Variants in NXPE4 observed in about 807,000 individuals in gnomAD.
NXPE4 encodes NXPE family member 4.
In NXPE4, 42 loss-of-function variants were observed where a neutral mutation model predicts 33.3. That is an observed-to-expected ratio of 1.26 (90% CI 0.98 to 1.63). The LOEUF is 1.63. Ranked by LOEUF, NXPE4 falls within the 40% of genes most tolerant of loss-of-function variation. The pLI is 0.00. For missense variants in NXPE4, 709 were observed against 647.6 expected (o/e 1.09, Z -1.03); for synonymous variants, 253 against 234.9 (o/e 1.08, Z -0.71).
chr11:114,617,699 T>A, the NXPE4 span, among the ~76,000 whole-genome samples: 16 of 152,166 alleles, frequency 1.1e-4, no homozygotes, highest in East Asian at 7.7e-4. Flanking sequence ...TACTGCCTCG[T>A]GGGTAACCAC....
chr11:114,627,881 T>G, the NXPE4 span, among the ~76,000 whole-genome samples: 1 of 151,268 alleles, frequency 6.6e-6, no homozygotes, highest in Non-Finnish European at 1.5e-5. Flanking sequence ...TAGTCTCTGA[T>G]AAAACAGACT....
the NXPE4 span, among the ~76,000 whole-genome samples, chr11:114,612,556 A>G: frequency 0.056 from 8,435 of 150,994 alleles, 299 homozygotes; most frequent in Middle Eastern, 0.1. Flanking sequence ...GTGTTGCCTC[A>G]TGGGTAACCA....
At chr11:114,644,183 C>T in the NXPE4 span, among the ~76,000 whole-genome samples, 5 of 152,160 alleles carry the variant, frequency 3.3e-5, no homozygotes, top group African/African-American at 1.2e-4. Flanking sequence ...TCTAAATATA[C>T]AATCATGGCA....
chr11:114,658,941 A>C, the NXPE4 span, among the ~76,000 whole-genome samples: 1 of 152,308 alleles, frequency 6.6e-6, no homozygotes, highest in South Asian at 2.1e-4. Context: ...AAGGGCATGA[A>C]GAGAGGCTCT....
the NXPE4 span, among the ~76,000 whole-genome samples, chr11:114,618,752 G>A: frequency 2.6e-5 from 4 of 152,158 alleles, no homozygotes; most frequent in East Asian, 1.9e-4. Flanking sequence ...TATCTCGTGC[G>A]TAGCCACTGT....
the NXPE4 span, among the ~76,000 whole-genome samples, chr11:114,630,680 A>G: frequency 6.6e-6 from 1 of 150,554 alleles, no homozygotes; most frequent in African/African-American, 2.4e-5. Flanking sequence ...AATGGGATCT[A>G]ATTAAACTAA....
At chr11:114,628,488 A>G in the NXPE4 span, among the ~76,000 whole-genome samples, 1 of 152,076 alleles carries the variant, frequency 6.6e-6, no homozygotes, top group African/African-American at 2.4e-5. Context: ...CAAAGACACA[A>G]CGTACCAGAA....
chr11:114,643,558 G>C, the NXPE4 span, among the ~76,000 whole-genome samples: 1 of 152,084 alleles, frequency 6.6e-6, no homozygotes, highest in Non-Finnish European at 1.5e-5. Flanking sequence ...TCAAAGATCA[G>C]ATGGTTGTAG....
the NXPE4 span, among the ~76,000 whole-genome samples, chr11:114,626,737 T>A: frequency 1.3e-5 from 2 of 152,220 alleles, no homozygotes; most frequent in African/African-American, 4.8e-5. Context: ...TGGGAGGACA[T>A]TCAAACCAAA....
the NXPE4 span, among the ~76,000 whole-genome samples, chr11:114,620,276 G>A: frequency 1.8e-4 from 27 of 151,488 alleles, no homozygotes; most frequent in African/African-American, 3.6e-4. Context: ...ACGGTTACCC[G>A]GTGGATAATA....
chr11:114,601,848 A>AT, the NXPE4 span, among the ~76,000 whole-genome samples: 1 of 46,480 alleles, frequency 2.2e-5, no homozygotes, highest in Non-Finnish European at 3.6e-5. Flanking sequence ...ATATAATATA[A>AT]AATATATAAT....
intron 2 of NXPE4, among the ~76,000 whole-genome samples, chr11:114,591,754 C>G (rs1006000656): frequency 6.6e-6 from 1 of 152,028 alleles, no homozygotes; most frequent in South Asian, 2.1e-4. Context: ...CATGGAATTC[C>G]AGGCCCCTGT....
At chr11:114,645,541 T>C in the NXPE4 span, among the ~76,000 whole-genome samples, 2 of 152,140 alleles carry the variant, frequency 1.3e-5, no homozygotes, top group African/African-American at 4.8e-5. Flanking sequence ...TTAACTATAT[T>C]AAATTTTTGA....
At chr11:114,630,228 C>G in the NXPE4 span, among the ~76,000 whole-genome samples, 5 of 151,672 alleles carry the variant, frequency 3.3e-5, no homozygotes, top group Non-Finnish European at 7.4e-5. Flanking sequence ...AATCCTGAGT[C>G]AAAAGAACAA....
At chr11:114,631,530 G>T in the NXPE4 span, among the ~76,000 whole-genome samples, 1 of 119,984 alleles carries the variant, frequency 8.3e-6, no homozygotes, top group East Asian at 3.1e-4. Flanking sequence ...TTGTGGGGTG[G>T]GGGGAGGGGG....
intron 5 of NXPE4, among the ~76,000 whole-genome samples, chr11:114,572,601 A>G (rs979791852): frequency 3.3e-5 from 5 of 152,182 alleles, no homozygotes; most frequent in Non-Finnish European, 5.9e-5. Context: ...AGAATTGAAC[A>G]AGCAGAAAAA....
At chr11:114,650,840 C>T in the NXPE4 span, among the ~76,000 whole-genome samples, 1 of 151,926 alleles carries the variant, frequency 6.6e-6, no homozygotes, top group Admixed American at 6.6e-5. Context: ...ACCCGGAAAA[C>T]AGAGTCTCAC....
chr11:114,607,001 C>T, the NXPE4 span, among the ~76,000 whole-genome samples: 1 of 146,662 alleles, frequency 6.8e-6, no homozygotes, highest in Non-Finnish European at 1.5e-5. Context: ...AGTGGATAAT[C>T]AGTATTGCCT....
At chr11:114,661,262 TA>T in the NXPE4 span, among the ~76,000 whole-genome samples, 1 of 152,168 alleles carries the variant, frequency 6.6e-6, no homozygotes, top group Non-Finnish European at 1.5e-5. Flanking sequence ...TTTTAAAATT[TA>T]TGTTGAAAGG....
Sources: gnomAD v4.1 joint callset for allele counts (sites outside exome capture counted in the v4.1 genomes callset) on GRCh38, gnomAD v4.1.1 for gene constraint, MANE v1.5 for transcripts, NCBI Gene and HGNC (gene_info 2026-07-23, HGNC 2026-07-21) for gene names.